The following SLC38A1 variants were observed in gnomAD, a reference collection of about 807,000 sequenced individuals.
SLC38A1 encodes solute carrier family 38 member 1.
In SLC38A1, 18 loss-of-function variants were observed where a neutral mutation model predicts 60.3. The ratio of observed to expected loss-of-function variants is 0.30; its 90% CI spans 0.21 to 0.44. SLC38A1 has a LOEUF of 0.44. Ranked by LOEUF, SLC38A1 falls within the 20% of genes least tolerant of loss-of-function variation. The pLI, the probability that SLC38A1 is intolerant of heterozygous loss-of-function variation, is 1.00. For missense variants in SLC38A1, 448 were observed against 587.2 expected, an observed-to-expected ratio of 0.76 and a Z score of 2.45; for synonymous variants, 196 against 212.1, an observed-to-expected ratio of 0.92 and a Z score of 0.66.
At chr12:46,243,567 A>AC (rs1182168288) in intron 1 of SLC38A1, among the ~76,000 whole-genome samples, 3 of 152,170 alleles carry the variant, frequency 2.0e-5, no homozygotes, top group Non-Finnish European at 4.4e-5. Flanking sequence ...ACAGATGGAG[A>AC]TGGGGCCTGA....
rs568318613 is a variant in SLC38A1, at chr12:46,229,527, TA to T, written c.198+36del. Reference sequence around the variant, plus strand: ...AAAGATTTGTCCCAATTTATATGATTAAAAAAATAAGCATACTTCATTATAA... The same window carrying T: ...AAAGATTTGTCCCAATTTATATGATTAAAAAATAAGCATACTTCATTATAA... On this transcript the variant is annotated intron_variant, in intron 4 of 16. Coordinates refer to ENST00000398637, the MANE Select transcript of SLC38A1 (RefSeq NM_030674.4). The T allele has an allele frequency of 2.9e-4, 431 of 1,491,674 alleles. 2 individuals are homozygous for T. The East Asian group carries it at 9.4e-3, about 32-fold the overall frequency. The allele number at this position is 1,491,674 out of a possible 1,614,324, so 92.4% of individuals were successfully genotyped here.
intron 5 of SLC38A1, among the ~76,000 whole-genome samples, chr12:46,219,889 G>T (rs567969077): frequency 6.6e-6 from 1 of 152,234 alleles, no homozygotes; most frequent in Non-Finnish European, 1.5e-5. Context: ...CAAGGCACCT[G>T]AGGCAACTCA....
intron 11 of SLC38A1, among the ~76,000 whole-genome samples, chr12:46,203,656 T>C (rs1939763142): frequency 6.6e-6 from 1 of 152,234 alleles, no homozygotes; most frequent in South Asian, 2.1e-4. Context: ...TTTTCTTAGA[T>C]AAGGCTCTTT....
Position 46,187,895 on chromosome 12 carries a change from A to T in SLC38A1, c.*1075T>A, listed in dbSNP as rs1021790459. 6.6e-6 allele frequency: 1 copy of T among 151,960 alleles called. No individual in the cohort carries two copies. Among genetic ancestry groups the T allele is most frequent in the African/African-American group, 2.4e-5 (1 of 41,326 alleles). 9.4% of individuals were successfully genotyped at this position (151,960 alleles called of 1,614,324 possible). ...TATTTGTAATAACCTAGATTTATAG[A>T]TATAAAACAAGTCTTTTAAAGACTT... On this transcript the variant is annotated 3_prime_UTR_variant, in exon 17 of 17. Transcript: ENST00000398637.
intron 5 of SLC38A1, among the ~76,000 whole-genome samples, chr12:46,215,349 C>T (rs1234087636): frequency 6.6e-6 from 1 of 152,194 alleles, no homozygotes; most frequent in Non-Finnish European, 1.5e-5. Context: ...CTGTGGGATG[C>T]TGACTAGCTT....
In SLC38A1 at chr12:46,229,246, C is replaced by T. The variant is rs755833770; in HGVS notation, c.221G>A (p.Gly74Asp). 1 of 1,612,570 alleles carries T rather than the reference C, an allele frequency of 6.2e-7. No individual in the cohort carries two copies. The highest frequency in any genetic ancestry group is 8.5e-7 in the Non-Finnish European group (1 of 1,178,946). ...DEYIPGTTSLGMSVFNLSNAI... is the reference protein window; with the variant it reads ...DEYIPGTTSLDMSVFNLSNAI... ...GTTGCTTAGGTTAAAAACAGACATG[C>T]CTAAGGAGGTTGTACCTGGAATCTG... Residue 74 changes from glycine (G) to aspartate (D), a missense_variant, in exon 5 of 17, where the codon GGC becomes GAC. Physicochemically the swap from Gly to Asp is moderately conservative, Grantham distance 94 (BLOSUM62 -1). Around this residue, in one of 2 missense-constraint regions of SLC38A1, gnomAD observed 102 missense variants for 89.7 expected, o/e 1.14. Coordinates refer to ENST00000398637, the MANE Select transcript of SLC38A1 (RefSeq NM_030674.4).
chr12:46,251,923 A>T (rs1028165186), intron 1 of SLC38A1, among the ~76,000 whole-genome samples: 1 of 152,224 alleles, frequency 6.6e-6, no homozygotes, highest in Non-Finnish European at 1.5e-5. Flanking sequence ...TGTGGAAGAC[A>T]GTGTGGCAAT....
chr12:46,187,830 A>T lies in SLC38A1; in HGVS notation c.*1140T>A, dbSNP rs1290353504. 2 of 151,696 alleles carry T rather than the reference A, an allele frequency of 1.3e-5. No homozygotes were observed. Among genetic ancestry groups the T allele is most frequent in the African/African-American group, 4.9e-5 (2 of 41,216 alleles). 9.4% of individuals were successfully genotyped at this position (151,696 alleles called of 1,614,324 possible). A position where few individuals can be genotyped will look rare whatever the true frequency, so the allele number is the denominator to read the frequency against. On this transcript the variant is annotated 3_prime_UTR_variant, in exon 17 of 17. Coordinates refer to ENST00000398637, the MANE Select transcript of SLC38A1 (RefSeq NM_030674.4). ...AGACTAGATGGAGAATTAATGAAGA[A>T]GAAATAGAAATGAGGCTTATTTAAG...
intron 16 of SLC38A1, 66 bp from the exon 17 acceptor site, chr12:46,189,137 A>C: frequency 8.5e-7 from 1 of 1,172,898 alleles, no homozygotes; most frequent in Non-Finnish European, 1.3e-6. Context: ...TACCTGGGGA[A>C]AAAAAATAGA....
intron 5 of SLC38A1, among the ~76,000 whole-genome samples, chr12:46,225,178 C>G (rs1940814825): frequency 6.6e-6 from 1 of 152,156 alleles, no homozygotes; most frequent in Non-Finnish European, 1.5e-5. Flanking sequence ...CCAAGACCAA[C>G]TCAGTTTACC....
chr12:46,246,724 C>T (rs1163732643), intron 1 of SLC38A1, among the ~76,000 whole-genome samples: 2 of 152,186 alleles, frequency 1.3e-5, no homozygotes, highest in Non-Finnish European at 1.5e-5. Flanking sequence ...CCCTGACCCC[C>T]GTTTAGCCTA....
chr12:46,249,814 A>G (rs1158896571), intron 1 of SLC38A1, among the ~76,000 whole-genome samples: 1 of 152,190 alleles, frequency 6.6e-6, no homozygotes, highest in Non-Finnish European at 1.5e-5. Flanking sequence ...TGAATAGACC[A>G]ATAACAGGCT....
intron 13 of SLC38A1, among the ~76,000 whole-genome samples, chr12:46,200,246 A>T (rs1241718297): frequency 6.6e-6 from 1 of 152,204 alleles, no homozygotes; most frequent in East Asian, 1.9e-4. Flanking sequence ...CTGTATAATC[A>T]GAGTAGCCTT....
At chr12:46,253,311 T>A (rs781590496) in intron 1 of SLC38A1, among the ~76,000 whole-genome samples, 1 of 152,142 alleles carries the variant, frequency 6.6e-6, no homozygotes, top group Non-Finnish European at 1.5e-5. Flanking sequence ...GCAAGATTAT[T>A]AAGAAAGTAA....
Position 46,207,200 on chromosome 12 carries a change from A to G in SLC38A1, c.518T>C (p.Leu173Pro). 1 of 1,613,292 alleles carries G rather than the reference A, an allele frequency of 6.2e-7. No individual in the cohort carries two copies. Among genetic ancestry groups the G allele is most frequent in the African/African-American group, 1.3e-5 (1 of 75,024 alleles). The change falls in exon 8 of 17, where the codon CTA becomes CCA. Residue 173 changes from leucine to proline, a missense_variant. Physicochemically the swap from Leu to Pro is moderately conservative, Grantham distance 98. Transcript: ENST00000398637. Reference sequence around the variant, plus strand: ...CATTAGAAACTTTATGGCAGAGGGTAGTTCATTTTTTACGATGAAGAGGTA... The same window carrying G: ...CATTAGAAACTTTATGGCAGAGGGTGGTTCATTTTTTACGATGAAGAGGTA... ...LSYLFIVKNE[L>P]PSAIKFLMGK...
At chr12:46,212,441 G>A (rs1940215879) in intron 5 of SLC38A1, among the ~76,000 whole-genome samples, 1 of 152,186 alleles carries the variant, frequency 6.6e-6, no homozygotes, top group Admixed American at 6.5e-5. Context: ...GGGGACTACA[G>A]ATCAGCAATT....
At chr12:46,225,827 C>T (rs542219778) in intron 5 of SLC38A1, among the ~76,000 whole-genome samples, 1 of 152,190 alleles carries the variant, frequency 6.6e-6, no homozygotes, top group South Asian at 2.1e-4. Flanking sequence ...CAGCTTGTAC[C>T]TCAGGGATAC....
intron 5 of SLC38A1, among the ~76,000 whole-genome samples, chr12:46,219,950 C>A (rs7953774): frequency 6.6e-6 from 1 of 152,100 alleles, no homozygotes; most frequent in Non-Finnish European, 1.5e-5. Context: ...CGCATGTGCG[C>A]GCACACACAC....
At chr12:46,243,967 T>C (rs1250944002) in intron 1 of SLC38A1, among the ~76,000 whole-genome samples, 2 of 152,200 alleles carry the variant, frequency 1.3e-5, no homozygotes, top group Non-Finnish European at 2.9e-5. Flanking sequence ...AAGGAGAGGA[T>C]ACACAAAGAA....
Sources: gnomAD v4.1 joint callset for allele counts (sites outside exome capture counted in the v4.1 genomes callset) on GRCh38, gnomAD v4.1.1 for gene constraint, gnomAD v4.1.1 regional missense constraint, MANE v1.5 for transcripts, NCBI Gene and HGNC (gene_info 2026-07-23, HGNC 2026-07-21) for gene names.